Variants in HS3ST5 observed in about 807,000 individuals in gnomAD.
HS3ST5 encodes heparan sulfate glucosamine 3-O-sulfotransferase 5.
HS3ST5 carries 10 observed loss-of-function variants against 25.4 expected under a neutral mutation model. The ratio of observed to expected loss-of-function variants is 0.39; its 90% confidence interval spans 0.24 to 0.67. The LOEUF (loss-of-function observed/expected upper bound fraction) is 0.67, where lower values mean the gene tolerates loss of function less well. Among genes scored for constraint, HS3ST5 ranks in the 30% least tolerant of loss-of-function variants. The pLI is 0.44. For synonymous variants in HS3ST5, 170 were observed against 162.4 expected, an observed-to-expected ratio of 1.05 and a Z score of -0.36; for missense variants, 324 against 420.7, an observed-to-expected ratio of 0.77 and a Z score of 2.01.
intron 2 of HS3ST5, among the ~76,000 whole-genome samples, chr6:114,197,223 A>C (rs1780804568): frequency 6.6e-6 from 1 of 151,710 alleles, no homozygotes; most frequent in African/African-American, 2.4e-5. Context: ...AAGTTCTTGC[A>C]CATATTTGGT....
At chr6:114,211,459 A>G (rs1440438115) in intron 2 of HS3ST5, among the ~76,000 whole-genome samples, 2 of 152,212 alleles carry the variant, frequency 1.3e-5, no homozygotes, top group Non-Finnish European at 2.9e-5. Context: ...ACTCATTCTA[A>G]AAGCCATTTC....
chr6:114,120,694 C>CAA (rs3078679), intron 3 of HS3ST5, among the ~76,000 whole-genome samples: 113,202 of 151,874 alleles, frequency 0.75, 42,650 homozygotes, highest in Admixed American at 0.82. Flanking sequence ...TGCTTTTCAG[C>CAA]AGAGTCTAAA....
At chr6:114,341,524 T>C (rs994878796) in intron 1 of HS3ST5, among the ~76,000 whole-genome samples, 1 of 151,682 alleles carries the variant, frequency 6.6e-6, no homozygotes, top group East Asian at 2.0e-4. Context: ...CTCCAGTGAG[T>C]AGCGACAGCG....
At chr6:114,195,474 A>G (rs1780691890) in intron 2 of HS3ST5, among the ~76,000 whole-genome samples, 1 of 151,964 alleles carries the variant, frequency 6.6e-6, no homozygotes, top group South Asian at 2.1e-4. Flanking sequence ...CTTCCACAGT[A>G]AAGGAATGCA....
At chr6:114,089,312 C>T (rs1775003805) in intron 3 of HS3ST5, among the ~76,000 whole-genome samples, 1 of 152,090 alleles carries the variant, frequency 6.6e-6, no homozygotes, top group Non-Finnish European at 1.5e-5. Context: ...TTAATTACAC[C>T]TTTCCTTCCT....
chr6:114,229,786 C>T (rs954356279), intron 1 of HS3ST5, among the ~76,000 whole-genome samples: 6 of 152,256 alleles, frequency 3.9e-5, no homozygotes, highest in Non-Finnish European at 7.4e-5. Flanking sequence ...CCTTGAATGA[C>T]GACATGATGC....
At chr6:114,194,102 T>C (rs1409626088) in intron 2 of HS3ST5, among the ~76,000 whole-genome samples, 1 of 148,112 alleles carries the variant, frequency 6.8e-6, no homozygotes, top group African/African-American at 2.7e-5. Flanking sequence ...GAGAATCATA[T>C]TGAAAGAAAC....
chr6:114,282,660 C>A (rs994403822), intron 1 of HS3ST5, among the ~76,000 whole-genome samples: 6 of 151,964 alleles, frequency 3.9e-5, no homozygotes, highest in Admixed American at 1.3e-4. Context: ...CTGAGGTGCA[C>A]TTGGAACTGT....
intron 2 of HS3ST5, among the ~76,000 whole-genome samples, chr6:114,213,116 G>A (rs1781583176): frequency 6.6e-6 from 1 of 152,038 alleles, no homozygotes; most frequent in Admixed American, 6.5e-5. Flanking sequence ...GAAAGGGGAT[G>A]GATTGGGAAT....
intron 2 of HS3ST5, among the ~76,000 whole-genome samples, chr6:114,195,863 G>C (rs915692912): frequency 1.3e-5 from 2 of 152,038 alleles, no homozygotes; most frequent in Non-Finnish European, 2.9e-5. Flanking sequence ...TGTACAGAAG[G>C]CCTTGTCTAA....
intron 1 of HS3ST5, among the ~76,000 whole-genome samples, chr6:114,322,548 C>T (rs1180175208): frequency 6.6e-6 from 1 of 152,022 alleles, no homozygotes; most frequent in Non-Finnish European, 1.5e-5. Flanking sequence ...ACAGTGAAGC[C>T]TATAAATTCC....
chr6:114,341,604 CGT>C lies in HS3ST5; in HGVS notation c.-339+589_-339+590del, dbSNP rs763194350. Among the ~76,000 whole-genome samples the C allele has an allele frequency of 1.2e-4, 18 of 145,934 alleles. No homozygotes were observed. The South Asian group carries it at 2.0e-3, about 16-fold the overall frequency. On this transcript the variant is annotated intron_variant, in intron 1 of 4. Transcript: ENST00000312719. ...TGCATCCATCCCGCGCGCGCGCGCGCGTGTGTGTTGGGTGGGAAGAGATGCAT... is the reference window on the plus strand; with the variant it reads ...TGCATCCATCCCGCGCGCGCGCGCGCGTGTGTTGGGTGGGAAGAGATGCAT...
intron 1 of HS3ST5, among the ~76,000 whole-genome samples, chr6:114,288,445 C>T (rs1294673248): frequency 1.3e-5 from 2 of 152,182 alleles, no homozygotes; most frequent in Admixed American, 6.5e-5. Context: ...CAGACAGCAA[C>T]ATTTTAAAGA....
intron 1 of HS3ST5, chr6:114,251,504 C>T (rs531940514): frequency 1.1e-4 from 16 of 152,232 alleles, no homozygotes; most frequent in African/African-American, 3.4e-4. Context: ...CATTCCCTTT[C>T]CCCCTTCCTT....
chr6:114,267,024 CA>C (rs1452408233), intron 1 of HS3ST5, among the ~76,000 whole-genome samples: 1 of 152,160 alleles, frequency 6.6e-6, no homozygotes, highest in Non-Finnish European at 1.5e-5. Context: ...CACACACATA[CA>C]AAAATGCCAG....
At chr6:114,079,147 T>C (rs773185240) in intron 3 of HS3ST5, among the ~76,000 whole-genome samples, 2 of 152,182 alleles carry the variant, frequency 1.3e-5, no homozygotes, top group Admixed American at 1.3e-4. Flanking sequence ...TTGATCAAAA[T>C]TGGGGTAGCT....
chr6:114,277,313 G>A (rs1773903335), intron 1 of HS3ST5, among the ~76,000 whole-genome samples: 1 of 151,252 alleles, frequency 6.6e-6, no homozygotes, highest in African/African-American at 2.4e-5. Flanking sequence ...TCTGCCCATG[G>A]TGGATAAGTA....
At chr6:114,073,904 C>T (rs1332824337) in intron 3 of HS3ST5, among the ~76,000 whole-genome samples, 2 of 152,266 alleles carry the variant, frequency 1.3e-5, no homozygotes, top group African/African-American at 4.8e-5. Context: ...CCCAAATGTC[C>T]ATCAATGGTA....
intron 1 of HS3ST5, among the ~76,000 whole-genome samples, chr6:114,319,479 A>G (rs988853460): frequency 6.6e-6 from 1 of 152,094 alleles, no homozygotes; most frequent in Non-Finnish European, 1.5e-5. Context: ...CCATTTTGGA[A>G]GTCTTTGTTA....
Sources: allele counts gnomAD v4.1 joint callset (sites outside exome capture counted in the v4.1 genomes callset), GRCh38; gene constraint gnomAD v4.1.1; transcripts MANE v1.5; gene names NCBI Gene and HGNC (gene_info 2026-07-23, HGNC 2026-07-21).